The following SORCS1 variants were observed in gnomAD, a reference collection of about 807,000 sequenced individuals.
The protein encoded by SORCS1 is VPS10 domain-containing receptor SorCS1.
Under a neutral mutation model 146.1 loss-of-function variants are expected in SORCS1, and 60 were observed. That is an observed-to-expected ratio of 0.41 (90% CI 0.33 to 0.51). SORCS1 has a LOEUF of 0.51. SORCS1 is among the 20% of genes least tolerant of loss of function. The pLI is 0.21. For missense variants in SORCS1, 1,352 were observed against 1,487.6 expected (o/e 0.91, Z 1.50); for synonymous variants, 637 against 584.0 (o/e 1.09, Z -1.31).
intron 1 of SORCS1, among the ~76,000 whole-genome samples, chr10:107,101,286 T>C (rs1209179541): frequency 6.6e-6 from 1 of 152,216 alleles, no homozygotes; most frequent in Non-Finnish European, 1.5e-5. Flanking sequence ...CTTCAGGTGA[T>C]CCACCCGCCT....
At chr10:106,641,684 G>A (rs1849078352) in intron 18 of SORCS1, among the ~76,000 whole-genome samples, 1 of 152,212 alleles carries the variant, frequency 6.6e-6, no homozygotes, top group African/African-American at 2.4e-5. Context: ...GTACAGAGAT[G>A]TGGGAACTGC....
At chr10:106,605,634 G>T (rs1846523001) in intron 23 of SORCS1, among the ~76,000 whole-genome samples, 1 of 152,158 alleles carries the variant, frequency 6.6e-6, no homozygotes, top group Non-Finnish European at 1.5e-5. Context: ...AAAATGCAGT[G>T]CAGATAATAA....
intron 1 of SORCS1, among the ~76,000 whole-genome samples, chr10:107,043,383 C>T (rs1959187031): frequency 6.6e-6 from 1 of 152,112 alleles, no homozygotes; most frequent in South Asian, 2.1e-4. Context: ...AATGTTGATT[C>T]CGCCGTCTGA....
intron 1 of SORCS1, among the ~76,000 whole-genome samples, chr10:107,125,934 G>A (rs1966689417): frequency 1.3e-5 from 2 of 152,146 alleles, no homozygotes; most frequent in Non-Finnish European, 2.9e-5. Context: ...TTGTAAATTG[G>A]AATGTCCTTC....
chr10:106,864,749 T>G (rs11193078), intron 2 of SORCS1, among the ~76,000 whole-genome samples: 66,818 of 151,910 alleles, frequency 0.44, 14,786 homozygotes, highest in East Asian at 0.49. Flanking sequence ...GGGGTAGGGG[T>G]TGCCATATTG....
At chr10:107,012,895 C>T (rs534821940) in intron 1 of SORCS1, among the ~76,000 whole-genome samples, 1 of 152,300 alleles carries the variant, frequency 6.6e-6, no homozygotes, top group South Asian at 2.1e-4. Flanking sequence ...AAGGATGCAT[C>T]CTAAGCTATG....
chr10:106,915,958 T>C (rs1266648382), intron 2 of SORCS1, among the ~76,000 whole-genome samples: 1 of 152,164 alleles, frequency 6.6e-6, no homozygotes, highest in Non-Finnish European at 1.5e-5. Context: ...CAGGAAAAGA[T>C]TGCTTGCAAT....
At chr10:106,904,427 CCA>C (rs1043072676) in intron 2 of SORCS1, among the ~76,000 whole-genome samples, 1 of 152,040 alleles carries the variant, frequency 6.6e-6, no homozygotes, top group African/African-American at 2.4e-5. Context: ...ACAAAAAGTG[CCA>C]CAGAGAGGAA....
intron 6 of SORCS1, 87 bp downstream of exon 6, chr10:106,729,963 C>G: frequency 1.3e-6 from 2 of 1,486,570 alleles, no homozygotes; most frequent in East Asian, 4.5e-5. Flanking sequence ...TCTGCATACA[C>G]CATGAGATTA....
At chr10:107,162,475 G>A (rs987428699) in intron 1 of SORCS1, among the ~76,000 whole-genome samples, 1 of 152,086 alleles carries the variant, frequency 6.6e-6, no homozygotes, top group African/African-American at 2.4e-5. Context: ...TGAGGGCAAG[G>A]GTCTCCAGAA....
At chr10:106,750,782 G>A (rs992688566) in intron 5 of SORCS1, among the ~76,000 whole-genome samples, 14 of 136,630 alleles carry the variant, frequency 1.0e-4, no homozygotes, top group African/African-American at 3.8e-4. Context: ...AGAAAAGGCC[G>A]GGCGCTGTGG....
At chr10:106,925,408 A>G (rs1171591849) in intron 2 of SORCS1, among the ~76,000 whole-genome samples, 1 of 152,182 alleles carries the variant, frequency 6.6e-6, no homozygotes. Flanking sequence ...CCTGCAGCAG[A>G]AACTTACTCA....
chr10:106,681,434 G>A (rs373591836), intron 10 of SORCS1, among the ~76,000 whole-genome samples: 49 of 152,080 alleles, frequency 3.2e-4, no homozygotes, highest in African/African-American at 1.1e-3. Flanking sequence ...GTACTGTTTC[G>A]CATCTTTTGT....
intron 17 of SORCS1, among the ~76,000 whole-genome samples, chr10:106,663,162 ATAT>A (rs1850864846): frequency 6.6e-6 from 1 of 152,228 alleles, no homozygotes; most frequent in South Asian, 2.1e-4. Context: ...ATAACTGATA[ATAT>A]TATAATAATA....
intron 3 of SORCS1, among the ~76,000 whole-genome samples, chr10:106,781,205 G>A (rs1396349344): frequency 1.3e-5 from 2 of 152,144 alleles, no homozygotes; most frequent in East Asian, 3.9e-4. Flanking sequence ...TCCTAGATAT[G>A]CTGTTCTTGG....
At chr10:106,944,419 T>A (rs866053216) in intron 2 of SORCS1, among the ~76,000 whole-genome samples, 1 of 152,288 alleles carries the variant, frequency 6.6e-6, no homozygotes, top group East Asian at 1.9e-4. Context: ...CTAGTCTAAT[T>A]CCTACTCCTT....
intron 2 of SORCS1, among the ~76,000 whole-genome samples, chr10:106,886,742 C>T (rs867699611): frequency 2.6e-5 from 4 of 152,162 alleles, no homozygotes; most frequent in African/African-American, 9.7e-5. Context: ...TTCTAGAATC[C>T]AGACCCTATA....
chr10:107,111,283 C>T (rs1302593462), intron 1 of SORCS1, among the ~76,000 whole-genome samples: 1 of 152,068 alleles, frequency 6.6e-6, no homozygotes, highest in African/African-American at 2.4e-5. Flanking sequence ...TCTTAAGAAG[C>T]TCAATGAAAT....
chr10:106,577,695 T>C, intron 25 of SORCS1, 140 bp from the exon 26 acceptor site: 2 of 1,451,532 alleles, frequency 1.4e-6, no homozygotes, highest in South Asian at 1.4e-5. Context: ...CTGTGCTTCA[T>C]ACCCTACGGA....
Sources: gnomAD v4.1 joint callset for allele counts (sites outside exome capture counted in the v4.1 genomes callset) on GRCh38, gnomAD v4.1.1 for gene constraint, MANE v1.5 for transcripts, NCBI Gene and HGNC (gene_info 2026-07-23, HGNC 2026-07-21) for gene names.